Variants in CSMD1 observed in about 807,000 individuals in gnomAD.
CSMD1 encodes CUB and sushi domain-containing protein 1.
Under a neutral mutation model 417.5 loss-of-function variants are expected in CSMD1, and 213 were observed. The ratio of observed to expected loss-of-function variants is 0.51; its 90% CI spans 0.46 to 0.57. CSMD1 has a LOEUF of 0.57. Ranked by LOEUF, CSMD1 falls within the 20% of genes least tolerant of loss-of-function variation. The pLI is 0.00. For synonymous variants in CSMD1, 2,862 were observed against 1,736.8 expected (o/e 1.65, Z -16.11); for missense variants, 6,923 against 4,529.7 (o/e 1.53, Z -15.17).
chr8:3,638,176 T>C (rs1241012277), intron 7 of CSMD1, among the ~76,000 whole-genome samples: 3 of 152,154 alleles, frequency 2.0e-5, no homozygotes, highest in African/African-American at 7.2e-5. Context: ...TTCCAATATT[T>C]TACTTCAAAC....
chr8:4,573,579 C>G (rs1798990970), intron 2 of CSMD1, among the ~76,000 whole-genome samples: 1 of 152,060 alleles, frequency 6.6e-6, no homozygotes. Flanking sequence ...GAGGTGTCTC[C>G]CAGTCAGGAG....
intron 1 of CSMD1, among the ~76,000 whole-genome samples, chr8:4,956,607 A>C (rs1055076559): frequency 7.6e-5 from 11 of 145,128 alleles, no homozygotes; most frequent in African/African-American, 2.8e-4. Flanking sequence ...AGATATTTTT[A>C]TTTTATAAAT....
intron 1 of CSMD1, among the ~76,000 whole-genome samples, chr8:4,755,272 G>C (rs1472496226): frequency 6.6e-6 from 1 of 152,144 alleles, no homozygotes; most frequent in Non-Finnish European, 1.5e-5. Context: ...TTATGACTTT[G>C]CCTTCAACTT....
At chr8:4,673,601 T>C (rs751104893) in intron 1 of CSMD1, among the ~76,000 whole-genome samples, 5 of 152,164 alleles carry the variant, frequency 3.3e-5, no homozygotes, top group Non-Finnish European at 7.4e-5. Context: ...CTGGGGGCAA[T>C]TCACAGACTA....
At chr8:3,091,854 A>G (rs1164266960) in intron 47 of CSMD1, among the ~76,000 whole-genome samples, 192 bp from the exon 48 acceptor site, 3 of 152,236 alleles carry the variant, frequency 2.0e-5, no homozygotes, top group African/African-American at 7.2e-5. Context: ...ACAATAATGT[A>G]CAAAAAGAAT....
chr8:4,624,399 C>G (rs887639041), intron 2 of CSMD1, among the ~76,000 whole-genome samples: 4 of 152,128 alleles, frequency 2.6e-5, no homozygotes, highest in Non-Finnish European at 1.5e-5. Context: ...TTGGGGTCAA[C>G]TTCTTTGGAT....
chr8:4,141,157 C>A (rs142408666), intron 3 of CSMD1, among the ~76,000 whole-genome samples: 3 of 151,130 alleles, frequency 2.0e-5, no homozygotes, highest in Admixed American at 6.6e-5. Context: ...AGTAACAGAA[C>A]GTGTCTCTCA....
At chr8:3,828,572 A>C (rs1434189943) in intron 5 of CSMD1, among the ~76,000 whole-genome samples, 1 of 151,780 alleles carries the variant, frequency 6.6e-6, no homozygotes, top group East Asian at 1.9e-4. Flanking sequence ...TGTCGTATTG[A>C]CTCTCTCTGC....
intron 3 of CSMD1, among the ~76,000 whole-genome samples, chr8:4,292,451 A>G (rs1797424802): frequency 6.6e-6 from 1 of 151,850 alleles, no homozygotes; most frequent in Non-Finnish European, 1.5e-5. Context: ...ACGGAATTTC[A>G]CCGTGTTAGT....
chr8:3,008,265 G>T (rs1038132752), intron 52 of CSMD1, among the ~76,000 whole-genome samples: 1 of 152,166 alleles, frequency 6.6e-6, no homozygotes, highest in Non-Finnish European at 1.5e-5. Flanking sequence ...AGTCAGGAGG[G>T]CAGAAAGTGG....
At chr8:3,995,705 A>C (rs1421822616) in intron 5 of CSMD1, among the ~76,000 whole-genome samples, 1 of 152,216 alleles carries the variant, frequency 6.6e-6, no homozygotes, top group African/African-American at 2.4e-5. Flanking sequence ...AGTAAGAATA[A>C]TGACCCCACA....
chr8:3,523,822 TATGC>T (rs1460331325), intron 10 of CSMD1, among the ~76,000 whole-genome samples: 3 of 91,212 alleles, frequency 3.3e-5, no homozygotes, highest in Admixed American at 1.1e-4. Flanking sequence ...CACACGCACA[TATGC>T]ATGCACACCC....
At chr8:4,462,732 G>T (rs962452377) in intron 2 of CSMD1, among the ~76,000 whole-genome samples, 3 of 151,976 alleles carry the variant, frequency 2.0e-5, no homozygotes, top group Non-Finnish European at 4.4e-5. Flanking sequence ...AAACAATCAA[G>T]AAAAAAATAG....
At chr8:3,288,939 T>G (rs1268330003) in intron 25 of CSMD1, among the ~76,000 whole-genome samples, 1 of 147,050 alleles carries the variant, frequency 6.8e-6, no homozygotes, top group Non-Finnish European at 1.5e-5. Flanking sequence ...ACTCATCATT[T>G]AACATTAGGT....
At chr8:4,256,978 A>G (rs926679265) in intron 3 of CSMD1, among the ~76,000 whole-genome samples, 1 of 152,164 alleles carries the variant, frequency 6.6e-6, no homozygotes, top group Admixed American at 6.5e-5. Flanking sequence ...GAGGTATTCA[A>G]TCTGGAAGAA....
In CSMD1 at chr8:2,965,887, G is replaced by A; in HGVS notation, c.9168C>T (p.Asn3056=). Residue 3056 remains asparagine (N), a synonymous_variant, in exon 59 of 70, where the codon AAC becomes AAT. Transcript: ENST00000635120. ...GGTTACACTGATAGCTCACAGTCTTGTTGAAGGTGAAGTCGGTCCCAAACT... is the reference window on the plus strand; with the variant it reads ...GGTTACACTGATAGCTCACAGTCTTATTGAAGGTGAAGTCGGTCCCAAACT... The part of the protein sequence containing the change: ...GIQFGTDFTF[N]KTVSYQCNPG... 2 of 1,610,600 alleles carry A rather than the reference G, an allele frequency of 1.2e-6. No individual in the cohort carries two copies. The highest frequency in any genetic ancestry group is 1.3e-5 in the African/African-American group (1 of 74,998).
chr8:2,949,166 G>A, intron 68 of CSMD1, 133 bp downstream of exon 68: 1 of 576,240 alleles, frequency 1.7e-6, no homozygotes, highest in South Asian at 2.1e-5. Flanking sequence ...TCATTCAGCT[G>A]TAAAATATGT....
intron 50 of CSMD1, among the ~76,000 whole-genome samples, chr8:3,041,794 G>A (rs1336974502): frequency 1.4e-5 from 2 of 143,726 alleles, no homozygotes; most frequent in Non-Finnish European, 3.2e-5. Flanking sequence ...GCCTGTCACA[G>A]CTTCTTTCTG....
chr8:4,798,520 G>C (rs746314388), intron 1 of CSMD1, among the ~76,000 whole-genome samples: 1 of 152,138 alleles, frequency 6.6e-6, no homozygotes, highest in African/African-American at 2.4e-5. Flanking sequence ...TATGTGAACA[G>C]ACAGGTTAGT....
Sources: allele counts gnomAD v4.1 joint callset (sites outside exome capture counted in the v4.1 genomes callset), GRCh38; gene constraint gnomAD v4.1.1; transcripts MANE v1.5; gene names NCBI Gene and HGNC (gene_info 2026-07-23, HGNC 2026-07-21).